Variants in PHF2 observed in about 807,000 individuals in gnomAD.
PHF2 encodes PHD finger protein 2.
PHF2 carries 27 observed loss-of-function variants against 120.5 expected under a neutral mutation model. That is an observed-to-expected ratio of 0.22 (90% CI 0.17 to 0.31). PHF2 has a LOEUF of 0.31. PHF2 is among the 10% of genes least tolerant of loss of function. PHF2 has a pLI of 1.00. For missense variants in PHF2, 1,024 were observed against 1,434.8 expected, an observed-to-expected ratio of 0.71 and a Z score of 4.63; for synonymous variants, 568 against 592.5, an observed-to-expected ratio of 0.96 and a Z score of 0.60.
chr9:93,647,025 GGCTTTACCGCA>G (rs1564393299), intron 4 of PHF2, among the ~76,000 whole-genome samples: 2 of 152,148 alleles, frequency 1.3e-5, no homozygotes, highest in African/African-American at 4.8e-5. Flanking sequence ...GCCTGTGCTC[GGCTTTACCGCA>G]GGTTTGCCTG....
chr9:93,619,506 C>T (rs1825788978), intron 1 of PHF2, among the ~76,000 whole-genome samples: 1 of 152,230 alleles, frequency 6.6e-6, no homozygotes, highest in African/African-American at 2.4e-5. Context: ...GGATGCGGGC[C>T]TTCACCAGGC....
intron 5 of PHF2, among the ~76,000 whole-genome samples, chr9:93,652,745 G>C (rs986883668): frequency 5.9e-5 from 9 of 152,204 alleles, no homozygotes; most frequent in African/African-American, 2.2e-4. Flanking sequence ...TGGGCACCCT[G>C]TTGTCAGCTC....
intron 1 of PHF2, among the ~76,000 whole-genome samples, chr9:93,615,256 GTGA>G (rs1432038084): frequency 2.0e-5 from 3 of 150,772 alleles, no homozygotes; most frequent in Non-Finnish European, 4.4e-5. Context: ...GATGGTGATG[GTGA>G]TGATTGGTGA....
chr9:93,662,848 A>G, intron 12 of PHF2, 59 bp from the exon 13 acceptor site: 1 of 1,600,566 alleles, frequency 6.2e-7, no homozygotes, highest in Admixed American at 1.7e-5. Context: ...TCTGTGGCTC[A>G]AGAGAGTTCC....
chr9:93,637,000 C>T (rs1039016456), intron 3 of PHF2, among the ~76,000 whole-genome samples: 6 of 152,222 alleles, frequency 3.9e-5, no homozygotes, highest in African/African-American at 7.2e-5. Context: ...AGGACACAGC[C>T]GGGAGCGGCT....
At position 93,593,105 on chromosome 9, in the gene PHF2, A is replaced by AAAGG. The variant is rs1554790889; in HGVS notation, c.98+16236_98+16237insGGAA. Among the ~76,000 whole-genome samples, 77 of 122,702 alleles carry AAAGG rather than the reference A, an allele frequency of 6.3e-4. 9 individuals carry two copies. The highest frequency in any genetic ancestry group is 2.2e-3 in the African/African-American group (67 of 30,138). The allele number at this position is 122,702 out of a possible 152,430, so 80.5% of individuals were successfully genotyped here. On this transcript the variant is annotated intron_variant, in intron 1 of 21. Coordinates refer to ENST00000359246, the MANE Select transcript of PHF2 (RefSeq NM_005392.4). ...ATGCCAAAAAAAAAAAAAAAAAAAA[A>AAAGG]AAAAAAGAAAAAAAAAGGACTAAGA...
At chr9:93,589,915 G>C (rs1410758148) in intron 1 of PHF2, among the ~76,000 whole-genome samples, 1 of 152,196 alleles carries the variant, frequency 6.6e-6, no homozygotes, top group Non-Finnish European at 1.5e-5. Flanking sequence ...ACTCTTGACT[G>C]CTGGGGCTCC....
chr9:93,584,671 G>A (rs1052421693), intron 1 of PHF2, among the ~76,000 whole-genome samples: 2 of 152,186 alleles, frequency 1.3e-5, no homozygotes, highest in African/African-American at 4.8e-5. Context: ...AAAGCAGAAA[G>A]TATGAGTCCT....
In PHF2 at chr9:93,675,098, G is replaced by T. The variant is rs1261983724; in HGVS notation, c.2722+76G>T. On this transcript the variant is annotated intron_variant, in intron 19 of 21. Coordinates refer to ENST00000359246, the MANE Select transcript of PHF2 (RefSeq NM_005392.4). ...TGTGACTTTGTCTGTGGTCCCTCCA[G>T]CCCCTGAGAATGTGGGCTCAGCTCT... 4.2e-6 allele frequency: 5 copies of T among 1,200,398 alleles called. No homozygotes were observed. In the Admixed American group the frequency reaches 8.7e-5, roughly 21 times the overall value. 74.4% of individuals were successfully genotyped at this position (1,200,398 alleles called of 1,614,324 possible). A position where few individuals can be genotyped will look rare whatever the true frequency, so the allele number is the denominator to read the frequency against.
intron 11 of PHF2, 79 bp from the exon 12 acceptor site, chr9:93,660,113 C>T (rs1826533662): frequency 6.9e-7 from 1 of 1,445,150 alleles, no homozygotes; most frequent in South Asian, 1.5e-5. Flanking sequence ...CTGAGTGTCT[C>T]CAGCATCCTG....
intron 5 of PHF2, among the ~76,000 whole-genome samples, 173 bp downstream of exon 5, chr9:93,649,385 T>TTCC (rs1564394190): frequency 7.4e-5 from 11 of 149,384 alleles, no homozygotes; most frequent in African/African-American, 2.5e-4. Flanking sequence ...TTTTTTTTTT[T>TTCC]TTTTTTTTTT....
intron 1 of PHF2, among the ~76,000 whole-genome samples, chr9:93,582,489 A>G (rs953526718): frequency 2.0e-5 from 3 of 152,156 alleles, no homozygotes; most frequent in Non-Finnish European, 4.4e-5. Flanking sequence ...CCCTCTCTGC[A>G]TCTCTCCTTC....
intron 20 of PHF2, 40 bp from the exon 21 acceptor site, chr9:93,676,554 G>A (rs373711122): frequency 1.4e-5 from 21 of 1,555,396 alleles, no homozygotes; most frequent in Non-Finnish European, 1.1e-5. Context: ...GGCCCAAGTG[G>A]GCTGTGCGTC....
chr9:93,583,396 C>T (rs1448363505), intron 1 of PHF2, among the ~76,000 whole-genome samples: 2 of 152,148 alleles, frequency 1.3e-5, no homozygotes, highest in Non-Finnish European at 2.9e-5. Context: ...TTTGTTTGAA[C>T]ACCTGTTTTC....
rs528054287 is a variant in PHF2 at position 93,645,711 on chromosome 9, C to T, written c.382C>T (p.Leu128Phe). 2 of 1,612,718 alleles carry T rather than the reference C, an allele frequency of 1.2e-6. No homozygotes were observed. Among genetic ancestry groups the T allele is most frequent in the East Asian group, 2.2e-5 (1 of 44,864 alleles). Residue 128 changes from leucine to phenylalanine, a missense_variant, in exon 4 of 22, where the codon CTC becomes TTC. By Grantham distance (22) the Leu-to-Phe change is conservative (BLOSUM62 0). Around this residue, in one of 2 missense-constraint regions of PHF2, gnomAD observed 347 missense variants for 577.4 expected, o/e 0.60. Coordinates refer to ENST00000359246, the MANE Select transcript of PHF2 (RefSeq NM_005392.4). ...GGAGCACGGCTTCACCGAGCCCATCCTCGTCCCTAAGAAAGACGGGCTGGG... is the reference window on the plus strand; with the variant it reads ...GGAGCACGGCTTCACCGAGCCCATCTTCGTCCCTAAGAAAGACGGGCTGGG... ...MEEHGFTEPI[L>F]VPKKDGLGLA... is the part of the protein sequence containing the mutation.
intron 1 of PHF2, among the ~76,000 whole-genome samples, chr9:93,593,575 A>G (rs1176269006): frequency 1.3e-5 from 2 of 152,256 alleles, no homozygotes; most frequent in Admixed American, 1.3e-4. Context: ...TCTGTTAAAA[A>G]TCCACCATAA....
intron 1 of PHF2, among the ~76,000 whole-genome samples, chr9:93,595,547 C>T (rs1825315223): frequency 1.3e-5 from 2 of 152,220 alleles, no homozygotes; most frequent in African/African-American, 4.8e-5. Context: ...CACTCATTGG[C>T]CCAAAGCTGT....
intron 14 of PHF2, among the ~76,000 whole-genome samples, chr9:93,663,970 C>T (rs1423932520): frequency 6.6e-6 from 1 of 152,252 alleles, no homozygotes; most frequent in Non-Finnish European, 1.5e-5. Flanking sequence ...CACCACGCTC[C>T]ACCTGTAGTG....
rs1028385911 is a variant in PHF2 at position 93,677,829 on chromosome 9, C to T, written c.*153C>T. ...CCCAACAAGCGTCTGTCCCTTCAGC[C>T]GGCAGAGCGAGCCCAGCGTGGCCCC... is the stretch of plus-strand genomic sequence containing the variant. On this transcript the variant is annotated 3_prime_UTR_variant, in exon 22 of 22. Transcript: ENST00000359246. The surrounding 1 kb of genome is among the most constrained non-coding windows in gnomAD (Gnocchi z 4.4). 6.8e-5 allele frequency: 42 copies of T among 617,750 alleles called. 1 individual carries two copies. The highest frequency in any genetic ancestry group is 4.4e-4 in the South Asian group (22 of 50,158). The allele number at this position is 617,750 out of a possible 1,614,324, so 38.3% of individuals were successfully genotyped here.
Sources: gnomAD v4.1 joint callset for allele counts (sites outside exome capture counted in the v4.1 genomes callset) on GRCh38, gnomAD v4.1.1 for gene constraint, gnomAD v4.1.1 regional missense constraint, Gnocchi (gnomAD v3.1) non-coding constraint, MANE v1.5 for transcripts, NCBI Gene and HGNC (gene_info 2026-07-23, HGNC 2026-07-21) for gene names.